Variants in ZZEF1 observed in about 807,000 individuals in gnomAD.
ZZEF1 encodes zinc finger ZZ-type and EF-hand domain-containing protein 1.
A neutral mutation model predicts 342.8 loss-of-function variants in ZZEF1; 157 were observed. The observed-to-expected ratio is 0.46, with a 90% CI of 0.40 to 0.52. The LOEUF is 0.52. ZZEF1 is among the 20% of genes least tolerant of loss of function. ZZEF1 has a pLI of 0.00. For synonymous variants in ZZEF1, 1,505 were observed against 1,429.1 expected (o/e 1.05, Z -1.20); for missense variants, 3,480 against 3,725.6 (o/e 0.93, Z 1.72).
At chr17:4,007,450 C>T (rs917710076) in intron 54 of ZZEF1, among the ~76,000 whole-genome samples, 3 of 151,880 alleles carry the variant, frequency 2.0e-5, no homozygotes, top group African/African-American at 4.8e-5. Flanking sequence ...AGGGGGTTGG[C>T]AGGGAGACGT....
intron 46 of ZZEF1, among the ~76,000 whole-genome samples, chr17:4,018,524 T>G: frequency 6.6e-6 from 1 of 152,152 alleles, no homozygotes; most frequent in East Asian, 1.9e-4. Context: ...ACTCCACTGC[T>G]GTGGTTGGAG....
chr17:4,114,274 CA>C (rs773984500), intron 4 of ZZEF1, 24 bp downstream of exon 4: 3 of 1,479,564 alleles, frequency 2.0e-6, no homozygotes, highest in South Asian at 1.4e-5. Context: ...TTTTAAAAAA[CA>C]AAAAAGTATT....
intron 26 of ZZEF1, 140 bp from the exon 27 acceptor site, chr17:4,067,382 T>A (rs1044590216): frequency 1.9e-6 from 1 of 515,032 alleles, no homozygotes; most frequent in Non-Finnish European, 3.2e-6. Context: ...TAAGAGAGAC[T>A]CAGGGAAAAA....
At position 4,021,326 on chromosome 17, in the gene ZZEF1, C is replaced by A; in HGVS notation, c.7213-6G>T. ...TACAGCATGATGGACAAAATCTACA[C>A]AGAAAGAAAATCCAGCTGAATGTGA... On this transcript the variant is annotated splice_region_variant and splice_polypyrimidine_tract_variant and intron_variant, in intron 44 of 54. Coordinates refer to ENST00000381638, the MANE Select transcript of ZZEF1 (RefSeq NM_015113.4). 6.3e-7 allele frequency: 1 copy of A among 1,590,916 alleles called. No homozygotes were observed.
rs565220913 is a variant in ZZEF1 at position 4,056,079 on chromosome 17, T to C, written c.5295+137A>G. 2.5e-5 allele frequency: 23 copies of C among 935,906 alleles called. No individual in the cohort carries two copies. The African/African-American group carries it at 3.7e-4, about 15-fold the overall frequency. 58.0% of individuals were successfully genotyped at this position (935,906 alleles called of 1,614,324 possible). ...CCTGCATTCGGTCGCATTCAGCGGTTGGGGACCCCTTCACTAGGGTATTGA... is the reference window on the plus strand; with the variant it reads ...CCTGCATTCGGTCGCATTCAGCGGTCGGGGACCCCTTCACTAGGGTATTGA... On this transcript the variant is annotated intron_variant, in intron 33 of 54. Coordinates refer to ENST00000381638, the MANE Select transcript of ZZEF1 (RefSeq NM_015113.4).
chr17:4,064,374 G>GC lies in ZZEF1; in HGVS notation c.4704dup (p.Leu1569AlafsTer71), dbSNP rs772274799. 1 of 1,589,132 alleles carries GC rather than the reference G, an allele frequency of 6.3e-7. No individual in the cohort carries two copies. On this transcript the variant is annotated frameshift_variant, in exon 29 of 55. Coordinates refer to ENST00000381638, the MANE Select transcript of ZZEF1 (RefSeq NM_015113.4). LOFTEE classifies it high-confidence loss of function. The stretch of plus-strand genomic sequence containing the variant: ...CAACGGGCTTACCTCCTGTGCGAGA[G>GC]CGACTGATCCTTAATGAAGTCCATG...
At position 4,034,146 on chromosome 17, in the gene ZZEF1, C is replaced by T. The variant is rs773332889; in HGVS notation, c.6453G>A (p.Glu2151=). The stretch of plus-strand genomic sequence containing the variant: ...GGACTTTGATCACTGCGGCGTCTAC[C>T]TCTGCTGGCAAAAGACGGATAATTA... The part of the protein sequence containing the change: ...GQLIIRLLPA[E]VDAAVIKVLS... The change falls in exon 40 of 55, where the codon GAG becomes GAA. Residue 2151 remains glutamate, a synonymous_variant. Coordinates refer to ENST00000381638, the MANE Select transcript of ZZEF1 (RefSeq NM_015113.4). 2.5e-6 allele frequency: 4 copies of T among 1,614,148 alleles called. No homozygotes were observed. The highest frequency in any genetic ancestry group is 3.4e-6 in the Non-Finnish European group (4 of 1,180,034).
At chr17:4,111,966 G>C (rs2058310019) in intron 5 of ZZEF1, among the ~76,000 whole-genome samples, 1 of 136,918 alleles carries the variant, frequency 7.3e-6, no homozygotes, top group African/African-American at 2.6e-5. Context: ...CCAGGAGTCT[G>C]AGGTTACAGT....
At chr17:4,120,942 A>G (rs1204561024) in intron 2 of ZZEF1, among the ~76,000 whole-genome samples, 1 of 152,194 alleles carries the variant, frequency 6.6e-6, no homozygotes, top group East Asian at 1.9e-4. Context: ...ACACCATGAG[A>G]TACAAAAGGA....
In ZZEF1 at chr17:4,013,456, C is replaced by A. The variant is rs748045982; in HGVS notation, c.8572G>T (p.Gly2858Cys). Residue 2858 changes from glycine to cysteine, a missense_variant, in exon 52 of 55, where the codon GGC (glycine) becomes TGC (cysteine). By Grantham distance (159) the Gly-to-Cys change is radical. Around this residue, in one of 5 missense-constraint regions of ZZEF1, gnomAD observed 1,269 missense variants for 1,342.4 expected, o/e 0.95. Transcript: ENST00000381638. ...ATCCGGGACACCGCTTACCTGTGGCCGCAGCATCGCACAATCCTCAGAAGT... is the reference window on the plus strand; with the variant it reads ...ATCCGGGACACCGCTTACCTGTGGCAGCAGCATCGCACAATCCTCAGAAGT... ...HLLLRIVRCC[G>C]HSDLCDLALL... The A allele has an allele frequency of 6.2e-7, 1 of 1,606,746 alleles. No homozygotes were observed. The highest frequency in any genetic ancestry group is 2.2e-5 in the East Asian group (1 of 44,520).
intron 52 of ZZEF1, 26 bp downstream of exon 52, chr17:4,013,423 G>C (rs777972559): frequency 4.5e-6 from 7 of 1,558,434 alleles, no homozygotes; most frequent in Non-Finnish European, 6.1e-6. Context: ...GCCTGGCAAA[G>C]GGCTGCCATC....
At chr17:4,010,431 C>G (rs2055916152) in intron 52 of ZZEF1, among the ~76,000 whole-genome samples, 1 of 151,472 alleles carries the variant, frequency 6.6e-6, no homozygotes, top group South Asian at 2.1e-4. Context: ...TGAAAAAAAG[C>G]AAGATGTGGC....
intron 15 of ZZEF1, among the ~76,000 whole-genome samples, 158 bp downstream of exon 15, chr17:4,086,307 CCCACAGCGGCAATCCCTTTCT>C (rs1567828274): frequency 1.4e-5 from 2 of 140,072 alleles, no homozygotes; most frequent in Admixed American, 1.4e-4. Context: ...CTGGGGGATT[CCCACAGCGGCAATCCCTTTCT>C]GGGGGATTCC....
At chr17:4,085,952 A>AG in intron 15 of ZZEF1, 149 bp from the exon 16 acceptor site, 1 of 988,532 alleles carries the variant, frequency 1.0e-6, no homozygotes, top group South Asian at 2.2e-5. Flanking sequence ...GCAGTATAAA[A>AG]AAATATTTTT....
At chr17:4,030,234 AAAGAG>A (rs2056512181) in intron 42 of ZZEF1, among the ~76,000 whole-genome samples, 1 of 152,176 alleles carries the variant, frequency 6.6e-6, no homozygotes. Context: ...TAGGAAACAA[AAAGAG>A]AAGACATAAA....
At position 4,050,844 on chromosome 17, in the gene ZZEF1, T is replaced by C; in HGVS notation, c.5800A>G (p.Thr1934Ala). 1 of 1,614,064 alleles carries C rather than the reference T, an allele frequency of 6.2e-7. No individual in the cohort carries two copies. Among genetic ancestry groups the C allele is most frequent in the East Asian group, 2.2e-5 (1 of 44,872 alleles). Residue 1934 changes from threonine to alanine, a missense_variant, in exon 36 of 55, where the codon ACC becomes GCC. Physicochemically the swap from Thr to Ala is moderately conservative, Grantham distance 58. Coordinates refer to ENST00000381638, the MANE Select transcript of ZZEF1 (RefSeq NM_015113.4). ...LDPQTRSSAT[T>A]LRSQCMQLVG... The stretch of plus-strand genomic sequence containing the variant: ...AGCTGCATGCACTGGCTCCGCAGGG[T>C]GGTGGCACTGCTGCGCGTCTGGGGG...
At chr17:4,112,876 C>T in intron 4 of ZZEF1, 68 bp from the exon 5 acceptor site, 2 of 1,358,326 alleles carry the variant, frequency 1.5e-6, no homozygotes, top group South Asian at 1.5e-5. Flanking sequence ...ATCCAGAAGT[C>T]CCACCTCAAA....
intron 2 of ZZEF1, among the ~76,000 whole-genome samples, chr17:4,122,348 C>CA (rs1412714399): frequency 1.3e-5 from 2 of 149,758 alleles, no homozygotes; most frequent in Non-Finnish European, 3.0e-5. Context: ...AGCTCCCCCC[C>CA]AAAAAAATAC....
chr17:4,121,330 A>G (rs2058479294), intron 2 of ZZEF1, among the ~76,000 whole-genome samples: 1 of 152,172 alleles, frequency 6.6e-6, no homozygotes, highest in Admixed American at 6.5e-5. Context: ...AAAGCTAGCT[A>G]AAGATAATTC....
Sources: gnomAD v4.1 joint callset for allele counts (sites outside exome capture counted in the v4.1 genomes callset) on GRCh38, gnomAD v4.1.1 for gene constraint, gnomAD v4.1.1 regional missense constraint, MANE v1.5 for transcripts, NCBI Gene and HGNC (gene_info 2026-07-23, HGNC 2026-07-21) for gene names.